STXBP4: variants seen among roughly 807,000 people sequenced by gnomAD.
The protein encoded by STXBP4 is syntaxin-binding protein 4.
Under a neutral mutation model 76.1 loss-of-function variants are expected in STXBP4, and 55 were observed. That is an observed-to-expected ratio of 0.72 (90% CI 0.58 to 0.91). The LOEUF is 0.91. Among genes scored for constraint, STXBP4 ranks in the 40% least tolerant of loss-of-function variants. The probability of loss-of-function intolerance (pLI) is 0.00; values close to 1 mark genes in which losing one functional copy is unlikely to be tolerated. For synonymous variants in STXBP4, 201 were observed against 220.2 expected (o/e 0.91, Z 0.77); for missense variants, 618 against 636.9 (o/e 0.97, Z 0.32).
downstream of STXBP4, chr17:55,173,683 C>CTAT (rs1372671721): frequency 3.9e-5 from 6 of 152,096 alleles, no homozygotes; most frequent in African/African-American, 1.4e-4. Context: ...GATGAAATAC[C>CTAT]CACAAGTAGG....
intron 16 of STXBP4, among the ~76,000 whole-genome samples, chr17:55,115,610 G>A (rs943650567): frequency 3.3e-5 from 5 of 151,770 alleles, no homozygotes; most frequent in Non-Finnish European, 7.4e-5. Context: ...ATTCTTTGGA[G>A]TAAACCTTTG....
At chr17:55,005,207 T>C (rs2077986138) in intron 7 of STXBP4, among the ~76,000 whole-genome samples, 1 of 152,230 alleles carries the variant, frequency 6.6e-6, no homozygotes, top group Non-Finnish European at 1.5e-5. Context: ...TTCTAACTCC[T>C]ATGAGGCAGT....
At chr17:55,125,962 AC>A (rs2079906890) in intron 16 of STXBP4, among the ~76,000 whole-genome samples, 1 of 152,130 alleles carries the variant, frequency 6.6e-6, no homozygotes, top group African/African-American at 2.4e-5. Flanking sequence ...TCTGGGTCTG[AC>A]CCCAAACTAC....
At chr17:54,979,777 A>G (rs2077523490) in intron 1 of STXBP4, among the ~76,000 whole-genome samples, 1 of 152,202 alleles carries the variant, frequency 6.6e-6, no homozygotes, top group South Asian at 2.1e-4. Flanking sequence ...TCTTGCCTTC[A>G]CTGGTATCAT....
chr17:55,043,535 C>A, intron 11 of STXBP4: 2 of 1,273,024 alleles, frequency 1.6e-6, no homozygotes, highest in Non-Finnish European at 2.2e-6. Context: ...ATCTGTGCAA[C>A]ATTTAGTGTG....
At position 55,019,784 on chromosome 17, in the gene STXBP4, G is replaced by C. The variant is rs187421164; in HGVS notation, c.667-11384G>C. On this transcript the variant is annotated intron_variant, in intron 8 of 17. Coordinates refer to ENST00000376352, the MANE Select transcript of STXBP4 (RefSeq NM_178509.6). ...TCATTTTTGAAAGAGAATTTTATTGGGCATATAATTCTAGGGTCACAGTTA... is the reference window on the plus strand; with the variant it reads ...TCATTTTTGAAAGAGAATTTTATTGCGCATATAATTCTAGGGTCACAGTTA... Among the ~76,000 whole-genome samples, 571 of 151,864 alleles carry C rather than the reference G, an allele frequency of 3.8e-3. 6 individuals carry two copies. Among genetic ancestry groups the C allele is most frequent in the African/African-American group, 0.013 (520 of 41,414 alleles).
chr17:54,976,647 A>G (rs2077478379), intron 1 of STXBP4, among the ~76,000 whole-genome samples: 1 of 152,142 alleles, frequency 6.6e-6, no homozygotes, highest in Admixed American at 6.5e-5. Context: ...GCAAGTGGGC[A>G]TTACCACCTG....
chr17:55,185,189 TTTCTTCTTCTTCTTCTTC>T, the STXBP4 span, among the ~76,000 whole-genome samples: 157 of 87,722 alleles, frequency 1.8e-3, 4 homozygotes, highest in East Asian at 8.9e-3. Context: ...TCTTCTTCTT[TTTCTTCTTCTTCTTCTTC>T]TTCTTCTTCT....
intron 12 of STXBP4, among the ~76,000 whole-genome samples, chr17:55,068,973 G>A (rs117761447): frequency 3.3e-5 from 5 of 151,994 alleles, no homozygotes; most frequent in East Asian, 1.9e-4. Flanking sequence ...AGCTGTTACC[G>A]TGCTTTGTCC....
intron 1 of STXBP4, among the ~76,000 whole-genome samples, chr17:54,972,104 C>A (rs530990399): frequency 6.6e-6 from 1 of 152,132 alleles, no homozygotes; most frequent in Non-Finnish European, 1.5e-5. Context: ...CAATTTATTC[C>A]GTGGTTTCAT....
At chr17:55,018,182 G>C (rs1165226618) in intron 8 of STXBP4, among the ~76,000 whole-genome samples, 1 of 152,174 alleles carries the variant, frequency 6.6e-6, no homozygotes, top group Non-Finnish European at 1.5e-5. Flanking sequence ...AGAACCCACA[G>C]AACCCAGTGA....
chr17:55,153,155 C>A (rs2080234907), intron 17 of STXBP4, among the ~76,000 whole-genome samples: 3 of 152,246 alleles, frequency 2.0e-5, no homozygotes, highest in Middle Eastern at 3.4e-3. Flanking sequence ...ATAATTCTTT[C>A]TTGCCTTTAA....
intron 16 of STXBP4, among the ~76,000 whole-genome samples, chr17:55,097,479 C>T (rs181176656): frequency 0.013 from 2,027 of 152,078 alleles, 38 homozygotes; most frequent in African/African-American, 0.045. Context: ...CTGGCTAACA[C>T]GGTGAAACCC....
intron 12 of STXBP4, among the ~76,000 whole-genome samples, chr17:55,067,338 A>G (rs1253295765): frequency 6.6e-6 from 1 of 152,208 alleles, no homozygotes; most frequent in Non-Finnish European, 1.5e-5. Context: ...CATTTATACA[A>G]AAGTAGAATG....
In STXBP4 at chr17:55,047,087, A is replaced by G; in HGVS notation, c.946-2A>G. ...TGTTAATTTGGTGGTTTTTAAATAT[A>G]GGAAAAATTATTGGAATCAGATAAG... On this transcript the variant is annotated splice_acceptor_variant, in intron 11 of 17. Coordinates refer to ENST00000376352, the MANE Select transcript of STXBP4 (RefSeq NM_178509.6). LOFTEE classifies it high-confidence loss of function. 1 of 1,594,256 alleles carries G rather than the reference A, an allele frequency of 6.3e-7. No individual in the cohort carries two copies.
chr17:55,148,185 A>G (rs538091420), intron 17 of STXBP4, among the ~76,000 whole-genome samples: 1 of 152,194 alleles, frequency 6.6e-6, no homozygotes, highest in Admixed American at 6.5e-5. Context: ...ATGATTGTCT[A>G]TACTTGGGTT....
At chr17:55,185,139 G>C in the STXBP4 span, among the ~76,000 whole-genome samples, 1 of 151,986 alleles carries the variant, frequency 6.6e-6, no homozygotes, top group African/African-American at 2.4e-5. Flanking sequence ...CCAAGGTGCT[G>C]GAATTACAGG....
chr17:55,180,956 C>T, the STXBP4 span, among the ~76,000 whole-genome samples: 1 of 152,346 alleles, frequency 6.6e-6, no homozygotes, highest in East Asian at 1.9e-4. Context: ...TGTCAACTGA[C>T]ACAAAACAAT....
At chr17:54,977,028 T>G (rs2077483226) in intron 1 of STXBP4, among the ~76,000 whole-genome samples, 2 of 152,076 alleles carry the variant, frequency 1.3e-5, no homozygotes, top group African/African-American at 4.8e-5. Flanking sequence ...GGATACAAAT[T>G]TCCCATCTCC....
Sources: allele counts gnomAD v4.1 joint callset (sites outside exome capture counted in the v4.1 genomes callset), GRCh38; gene constraint gnomAD v4.1.1; transcripts MANE v1.5; gene names NCBI Gene and HGNC (gene_info 2026-07-23, HGNC 2026-07-21).